The following ETFDH variants were observed in gnomAD, a reference collection of about 807,000 sequenced individuals.
ETFDH encodes the protein electron transfer flavoprotein dehydrogenase.
A neutral mutation model predicts 73.2 loss-of-function variants in ETFDH; 61 were observed. The ratio of observed to expected loss-of-function variants is 0.83; its 90% CI spans 0.68 to 1.03. ETFDH has a LOEUF of 1.03. ETFDH is among the 50% of genes least tolerant of loss of function. The pLI is 0.00. For synonymous variants in ETFDH, 243 were observed against 253.3 expected (o/e 0.96, Z 0.39); for missense variants, 685 against 745.0 (o/e 0.92, Z 0.94).
At position 158,688,680 on chromosome 4, in the gene ETFDH, C is replaced by CA. The variant is rs1174681144; in HGVS notation, c.607-1659dup. On this transcript the variant is annotated intron_variant, in intron 5 of 12. Transcript: ENST00000511912. Reference sequence around the variant, plus strand: ...AGAGCAAGAGTCCATCTCAAAAAAACAAAAAAAAAGAACGAAACAGTTTTA... The same window carrying CA: ...AGAGCAAGAGTCCATCTCAAAAAAACAAAAAAAAAAGAACGAAACAGTTTTA... 2.9e-4 allele frequency among the ~76,000 whole-genome samples: 43 copies of CA among 149,930 alleles called. No homozygotes were observed. In the East Asian group the frequency reaches 5.5e-3, roughly 19 times the overall value.
At chr4:158,706,551 A>G (rs916307236) in intron 11 of ETFDH, 78 bp from the exon 12 acceptor site, 47 of 1,272,730 alleles carry the variant, frequency 3.7e-5, no homozygotes, top group Non-Finnish European at 5.3e-5. Context: ...AATATTTTGA[A>G]GTTTTTATAC....
chr4:158,705,907 CCT>C (rs950862163), intron 10 of ETFDH, among the ~76,000 whole-genome samples: 52 of 152,244 alleles, frequency 3.4e-4, no homozygotes, highest in African/African-American at 1.2e-3. Flanking sequence ...ATGGCAAAAC[CCT>C]CTTTCTACCA....
At chr4:158,703,668 T>C in intron 10 of ETFDH, 77 bp downstream of exon 10, 1 of 874,290 alleles carries the variant, frequency 1.1e-6, no homozygotes, top group Non-Finnish European at 1.9e-6. Context: ...AAAAGATTTG[T>C]ATTGCATCTG....
At chr4:158,699,927 T>C (rs1354388950) in intron 9 of ETFDH, among the ~76,000 whole-genome samples, 1 of 152,212 alleles carries the variant, frequency 6.6e-6, no homozygotes, top group East Asian at 1.9e-4. Context: ...AGAAATGTTA[T>C]CATACAGGTA....
At chr4:158,684,404 AAAAG>A (rs1373443207) in intron 3 of ETFDH, among the ~76,000 whole-genome samples, 184 bp from the exon 4 acceptor site, 1 of 152,066 alleles carries the variant, frequency 6.6e-6, no homozygotes, top group Non-Finnish European at 1.5e-5. Flanking sequence ...AAAAAAAAAA[AAAAG>A]ATTTCTGTAC....
chr4:158,673,844 G>GAC (rs2150301341), intron 1 of ETFDH, among the ~76,000 whole-genome samples: 1 of 152,340 alleles, frequency 6.6e-6, no homozygotes, highest in South Asian at 2.1e-4. Context: ...GAAAGAGGTA[G>GAC]ACACCAATGT....
intron 1 of ETFDH, among the ~76,000 whole-genome samples, chr4:158,674,877 T>G (rs79513842): frequency 0.011 from 1,676 of 152,304 alleles, 21 homozygotes; most frequent in African/African-American, 0.036. Context: ...TACCCTTTTT[T>G]GGTCACATAA....
intron 10 of ETFDH, among the ~76,000 whole-genome samples, chr4:158,703,968 G>A (rs1331912631): frequency 3.9e-5 from 6 of 152,058 alleles, no homozygotes; most frequent in South Asian, 2.1e-4. Context: ...GTGTGGTGGC[G>A]GGTGCCTGTA....
intron 7 of ETFDH, among the ~76,000 whole-genome samples, 188 bp from the exon 8 acceptor site, chr4:158,697,371 A>C (rs1355205360): frequency 6.6e-6 from 1 of 152,216 alleles, no homozygotes; most frequent in Non-Finnish European, 1.5e-5. Context: ...CTAGGATTGC[A>C]GGCGTGAGCC....
intron 2 of ETFDH, chr4:158,681,565 A>G (rs1189874062): frequency 1.3e-5 from 2 of 152,808 alleles, no homozygotes; most frequent in Non-Finnish European, 2.9e-5. Flanking sequence ...CTCACTGCTC[A>G]CTCAGTCACT....
intron 6 of ETFDH, 33 bp from the exon 7 acceptor site, chr4:158,695,464 A>G (rs751924798): frequency 1.3e-6 from 2 of 1,591,116 alleles, no homozygotes; most frequent in Admixed American, 3.3e-5. Flanking sequence ...TAAATTGTCA[A>G]ATGTTGCCAT....
intron 6 of ETFDH, among the ~76,000 whole-genome samples, chr4:158,691,396 CTCACTGCA>C (rs1360615142): frequency 1.4e-4 from 21 of 152,332 alleles, no homozygotes; most frequent in African/African-American, 4.8e-4. Flanking sequence ...GCAATCTTGG[CTCACTGCA>C]ACCTCTGCTT....
chr4:158,679,441 T>G (rs1328607428), intron 1 of ETFDH: 1 of 152,186 alleles, frequency 6.6e-6, no homozygotes, highest in African/African-American at 2.4e-5. Context: ...AAGAATATAG[T>G]CTGTTTCACT....
At position 158,680,084 on chromosome 4, in the gene ETFDH, CA is replaced by C. The variant is rs70962622; in HGVS notation, c.35-366del. ...TGGGTGACAGAGTGAGACTCTGTCT[CA>C]AAAAAAAAAAAAAAAAGAAGAAGAA... On this transcript the variant is annotated intron_variant, in intron 1 of 12. Transcript: ENST00000511912. 1.4e-3 allele frequency: 87 copies of C among 63,130 alleles called. 9 individuals carry two copies. The highest frequency in any genetic ancestry group is 4.8e-3 in the Admixed American group (19 of 3,996). 3.9% of individuals were successfully genotyped at this position (63,130 alleles called of 1,614,324 possible). A position where few individuals can be genotyped will look rare whatever the true frequency, so the allele number is the denominator to read the frequency against.
chr4:158,692,038 A>G (rs1314631235), intron 6 of ETFDH, among the ~76,000 whole-genome samples: 1 of 152,152 alleles, frequency 6.6e-6, no homozygotes, highest in Non-Finnish European at 1.5e-5. Flanking sequence ...CACTCTTGGA[A>G]TAGAATTAGG....
At chr4:158,687,651 A>C (rs530991952) in intron 5 of ETFDH, among the ~76,000 whole-genome samples, 1 of 152,316 alleles carries the variant, frequency 6.6e-6, no homozygotes, top group East Asian at 1.9e-4. Context: ...TCCATTCTAG[A>C]AACTGGTCTT....
rs1391732162 is a variant in ETFDH, at chr4:158,683,217, TTAAA to T, written c.405+798_405+801del. 1.2e-4 allele frequency among the ~76,000 whole-genome samples: 19 copies of T among 152,240 alleles called. 1 individual carries two copies. The highest frequency in any genetic ancestry group is 4.6e-4 in the African/African-American group (19 of 41,474). ...AGGACCAAGTCCAAGTTTTATTGTCTTAAATAAAATTTGTATGAATTTGGTTAAA... is the reference window on the plus strand; with the variant it reads ...AGGACCAAGTCCAAGTTTTATTGTCTTAAAATTTGTATGAATTTGGTTAAA... On this transcript the variant is annotated intron_variant, in intron 3 of 12. Transcript: ENST00000511912.
chr4:158,687,346 G>A (rs1171581183), intron 5 of ETFDH, among the ~76,000 whole-genome samples: 2 of 152,174 alleles, frequency 1.3e-5, no homozygotes, highest in Non-Finnish European at 2.9e-5. Context: ...GAAGGTCAGA[G>A]AGACATTGAA....
intron 6 of ETFDH, among the ~76,000 whole-genome samples, chr4:158,692,886 A>ATATATATAT (rs928714324): frequency 1.1e-5 from 1 of 88,150 alleles, no homozygotes; most frequent in African/African-American, 3.3e-5. Flanking sequence ...TAAAAAAAAA[A>ATATATATAT]AAACATATAT....
Sources: allele counts gnomAD v4.1 joint callset (sites outside exome capture counted in the v4.1 genomes callset), GRCh38; gene constraint gnomAD v4.1.1; transcripts MANE v1.5; gene names NCBI Gene and HGNC (gene_info 2026-07-23, HGNC 2026-07-21).